Variants in UBOX5 observed in about 807,000 individuals in gnomAD.
UBOX5 encodes U-box domain containing 5.
Under a neutral mutation model 39.0 loss-of-function variants are expected in UBOX5, and 28 were observed. That is an observed-to-expected ratio of 0.72 (90% CI 0.53 to 0.98). The LOEUF (loss-of-function observed/expected upper bound fraction) is 0.98, where lower values mean the gene tolerates loss of function less well. UBOX5 is among the 50% of genes least tolerant of loss of function. UBOX5 has a pLI of 0.00. For missense variants in UBOX5, 585 were observed against 674.4 expected, an observed-to-expected ratio of 0.87 and a Z score of 1.47; for synonymous variants, 283 against 275.5, an observed-to-expected ratio of 1.03 and a Z score of -0.27.
intron 1 of UBOX5, among the ~76,000 whole-genome samples, chr20:3,142,962 AAAG>A (rs1356726931): frequency 6.6e-6 from 1 of 151,824 alleles, no homozygotes; most frequent in African/African-American, 2.4e-5. Context: ...CCAAAGTGGA[AAAG>A]AAGATATAAA....
At chr20:3,147,716 G>A in intron 1 of UBOX5, 1 of 1,614,204 alleles carries the variant, frequency 6.2e-7, no homozygotes, top group Non-Finnish European at 8.5e-7. Context: ...TATCAGGCTG[G>A]AGTAAAATTC....
intron 1 of UBOX5, among the ~76,000 whole-genome samples, chr20:3,132,227 T>C (rs2066434773): frequency 6.6e-6 from 1 of 151,554 alleles, no homozygotes; most frequent in Non-Finnish European, 1.5e-5. Context: ...GGAGAATCAC[T>C]TGAGCCCAGG....
At chr20:3,128,727 G>A (rs1453712625) in intron 1 of UBOX5, among the ~76,000 whole-genome samples, 5 of 152,122 alleles carry the variant, frequency 3.3e-5, no homozygotes, top group African/African-American at 7.2e-5. Context: ...GTTAGGTGTG[G>A]TAGCACACAC....
At chr20:3,146,580 T>G (rs1021791637) in intron 1 of UBOX5, 1 of 592,506 alleles carries the variant, frequency 1.7e-6, no homozygotes, top group African/African-American at 1.9e-5. Flanking sequence ...TGTATACATT[T>G]GCAGTAATTT....
Position 3,148,212 on chromosome 20 carries a change from C to T in UBOX5, c.-42+11554G>A, listed in dbSNP as rs754030675. 5 of 1,613,872 alleles carry T rather than the reference C, an allele frequency of 3.1e-6. No homozygotes were observed. In the African/African-American group the frequency reaches 6.7e-5, roughly 22 times the overall value. ...GATACCTGACGATTTTCACCTATAA[C>T]ATAAATTAAGTGAACTAGCTGAGAC... On this transcript the variant is annotated intron_variant, in intron 1 of 4. Transcript: ENST00000217173.
chr20:3,146,882 T>C (rs766983390), intron 1 of UBOX5: 5 of 1,614,148 alleles, frequency 3.1e-6, no homozygotes, highest in Non-Finnish European at 4.2e-6. Context: ...TACCACACGG[T>C]AGCCAAGCCG....
intron 1 of UBOX5, among the ~76,000 whole-genome samples, chr20:3,123,699 T>C (rs1385294201): frequency 6.6e-6 from 1 of 152,166 alleles, no homozygotes. Context: ...TCAGCTGTGC[T>C]GGGGGTTGCC....
intron 1 of UBOX5, among the ~76,000 whole-genome samples, chr20:3,137,816 C>T (rs1284440115): frequency 6.6e-6 from 1 of 152,212 alleles, no homozygotes; most frequent in Non-Finnish European, 1.5e-5. Flanking sequence ...TCCAAATACT[C>T]TACTTCCACA....
At chr20:3,146,898 G>GT (rs1433949120) in intron 1 of UBOX5, 1 of 1,614,094 alleles carries the variant, frequency 6.2e-7, no homozygotes, top group Non-Finnish European at 8.5e-7. Flanking sequence ...AGCCGAGCCA[G>GT]CTGCCGCCTC....
chr20:3,121,664 C>T lies in UBOX5; in HGVS notation c.975G>A (p.Lys325=). ...HSQPLPHPSL[K]ARIDHFLLQH... ...GGAGCAGGAAATGGTCAATCCGGGC[C>T]TTGAGGGAGGGGTGAGGCAGGGGCT... is the stretch of plus-strand genomic sequence containing the variant. The change falls in exon 3 of 5, where the codon AAG becomes AAA. Residue 325 remains lysine (K), a synonymous_variant. Coordinates refer to ENST00000217173, the MANE Select transcript of UBOX5 (RefSeq NM_014948.4). 6.2e-7 allele frequency: 1 copy of T among 1,613,750 alleles called. No individual in the cohort carries two copies.
intron 1 of UBOX5, 131 bp from the exon 2 acceptor site, chr20:3,123,537 T>C: frequency 1.6e-6 from 1 of 626,482 alleles, no homozygotes. Flanking sequence ...CGGTCCACAC[T>C]GACTTTCCTT....
At chr20:3,147,152 C>T in intron 1 of UBOX5, 1 of 1,613,804 alleles carries the variant, frequency 6.2e-7, no homozygotes, top group East Asian at 2.2e-5. Flanking sequence ...CTGGAAATGT[C>T]CTCTTGCTTT....
At chr20:3,151,668 T>C (rs1312205156) in intron 1 of UBOX5, 1 of 151,664 alleles carries the variant, frequency 6.6e-6, no homozygotes, top group Non-Finnish European at 1.5e-5. Context: ...AAAATTTTAA[T>C]TAAAATTGGA....
chr20:3,147,252 C>T (rs1355169667), intron 1 of UBOX5: 2 of 1,614,082 alleles, frequency 1.2e-6, no homozygotes, highest in Non-Finnish European at 8.5e-7. Context: ...GCCGGCGTGG[C>T]TTCTCTATTA....
chr20:3,109,958 A>T lies in UBOX5; in HGVS notation c.*148T>A. ...GCCACCAGCGCAGAAGCAATGTGCT[A>T]TACCGTGAGGTGATGAAGAAGAGCC... On this transcript the variant is annotated 3_prime_UTR_variant, in exon 5 of 5. Transcript: ENST00000217173. 1.1e-6 allele frequency: 1 copy of T among 875,816 alleles called. No individual in the cohort carries two copies. Among genetic ancestry groups the T allele is most frequent in the Non-Finnish European group, 1.8e-6 (1 of 565,748 alleles). The allele number at this position is 875,816 out of a possible 1,614,324, so 54.3% of individuals were successfully genotyped here.
chr20:3,147,572 C>T (rs770776460), intron 1 of UBOX5: 1 of 1,614,186 alleles, frequency 6.2e-7, no homozygotes, highest in Non-Finnish European at 8.5e-7. Context: ...CTGAGCTAAC[C>T]TGACAAACCC....
chr20:3,141,508 G>A (rs1239037163), intron 1 of UBOX5, among the ~76,000 whole-genome samples: 1 of 151,718 alleles, frequency 6.6e-6, no homozygotes, highest in Non-Finnish European at 1.5e-5. Flanking sequence ...AGTTAGCTGG[G>A]GGTGGTGCAT....
At position 3,121,691 on chromosome 20, in the gene UBOX5, A is replaced by T. The variant is rs768837200; in HGVS notation, c.948T>A (p.Ser316=). ...TGAGGGAGGGGTGAGGCAGGGGCTG[A>T]GAGTGCGGAGTAAAAGCTACCCCCG... The part of the protein sequence containing the change: ...PFTGVAFTPH[S]QPLPHPSLKA... Residue 316 remains serine (S), a synonymous_variant, in exon 3 of 5, where the codon TCT becomes TCA. Transcript: ENST00000217173. 9 of 1,613,932 alleles carry T rather than the reference A, an allele frequency of 5.6e-6. No homozygotes were observed. Among genetic ancestry groups the T allele is most frequent in the Admixed American group, 1.7e-5 (1 of 59,996 alleles).
At chr20:3,141,496 A>G (rs2066517111) in intron 1 of UBOX5, among the ~76,000 whole-genome samples, 1 of 151,852 alleles carries the variant, frequency 6.6e-6, no homozygotes, top group Non-Finnish European at 1.5e-5. Flanking sequence ...CTAAAAATAC[A>G]AAGTTAGCTG....
Sources: gnomAD v4.1 joint callset for allele counts (sites outside exome capture counted in the v4.1 genomes callset) on GRCh38, gnomAD v4.1.1 for gene constraint, MANE v1.5 for transcripts, NCBI Gene and HGNC (gene_info 2026-07-23, HGNC 2026-07-21) for gene names.